The following LPP variants were observed in gnomAD, a reference collection of about 807,000 sequenced individuals.
LPP encodes the protein LIM domain containing preferred translocation partner in lipoma, also known as lipoma-preferred partner.
In LPP, 38 loss-of-function variants were observed where a neutral mutation model predicts 60.4. That is an observed-to-expected ratio of 0.63 (90% CI 0.49 to 0.83). LPP has a LOEUF of 0.83. Ranked by LOEUF, LPP falls within the 40% of genes least tolerant of loss-of-function variation. The pLI, the probability that LPP is intolerant of heterozygous loss-of-function variation, is 0.00. For missense variants in LPP, 902 were observed against 783.6 expected, an observed-to-expected ratio of 1.15 and a Z score of -1.80; for synonymous variants, 328 against 290.8, an observed-to-expected ratio of 1.13 and a Z score of -1.30.
intron 2 of LPP, among the ~76,000 whole-genome samples, chr3:188,233,539 T>C (rs1720828014): frequency 6.6e-6 from 1 of 152,198 alleles, no homozygotes; most frequent in African/African-American, 2.4e-5. Flanking sequence ...CCCTGGCTCA[T>C]TCTATGATTA....
rs78490596 is a variant in LPP, at chr3:188,478,947, T to A, written c.194-5645T>A. Among the ~76,000 whole-genome samples, 242 of 152,084 alleles carry A rather than the reference T, an allele frequency of 1.6e-3. 4 individuals are homozygous for A. In the East Asian group the frequency reaches 0.04, roughly 25 times the overall value. Reference sequence around the variant, plus strand: ...TTTTGTAATTTTAGCAGAGACTGGGTTTCACTCTGTTGCCCAGGCTGGTCT... The same window carrying A: ...TTTTGTAATTTTAGCAGAGACTGGGATTCACTCTGTTGCCCAGGCTGGTCT... On this transcript the variant is annotated intron_variant, in intron 4 of 11. Transcript: ENST00000617246.
At chr3:188,741,123 A>AT (rs1724244728) in intron 8 of LPP, among the ~76,000 whole-genome samples, 1 of 151,864 alleles carries the variant, frequency 6.6e-6, no homozygotes, top group Non-Finnish European at 1.5e-5. Flanking sequence ...GAGTAAAGGA[A>AT]GCACAGTATT....
Position 188,639,961 on chromosome 3 carries a change from A to G in LPP, c.1113+30117A>G, listed in dbSNP as rs530721402. Among the ~76,000 whole-genome samples the G allele has an allele frequency of 2.6e-4, 40 of 152,222 alleles. No homozygotes were observed. In the South Asian group the frequency reaches 6.5e-3, roughly 25 times the overall value. On this transcript the variant is annotated intron_variant, in intron 7 of 11. Transcript: ENST00000617246. ...CAACCATTGTGGAAGTCAGTGTGGC[A>G]ATACCTCAGGGATCTAGAACTAGAA...
intron 9 of LPP, among the ~76,000 whole-genome samples, chr3:188,837,384 T>TC (rs35650225): frequency 3.0e-4 from 19 of 64,360 alleles, no homozygotes; most frequent in Non-Finnish European, 4.4e-4. Flanking sequence ...ATCTCAAACA[T>TC]AATAATAATA....
At chr3:188,265,145 G>A (rs975228774) in intron 2 of LPP, among the ~76,000 whole-genome samples, 1 of 152,196 alleles carries the variant, frequency 6.6e-6, no homozygotes, top group Non-Finnish European at 1.5e-5. Context: ...GGTTTAGCAC[G>A]AATTAAATTC....
In LPP at chr3:188,889,036, G is replaced by T. The variant is rs565288533; in HGVS notation, c.*14557G>T. The T allele has an allele frequency of 1.4e-5, 3 of 220,366 alleles. No individual in the cohort carries two copies. Among genetic ancestry groups the T allele is most frequent in the African/African-American group, 6.7e-5 (3 of 44,566 alleles). 13.7% of individuals were successfully genotyped at this position (220,366 alleles called of 1,614,324 possible). A position where few individuals can be genotyped will look rare whatever the true frequency, so the allele number is the denominator to read the frequency against. On this transcript the variant is annotated 3_prime_UTR_variant, in exon 12 of 12. Transcript: ENST00000617246. ...ATGTGTGTTCTATAAACTAAGCATC[G>T]GTGGGTTTAGAGTGTTAAAGTGTCA...
intron 9 of LPP, among the ~76,000 whole-genome samples, chr3:188,818,384 A>G (rs1413849712): frequency 6.6e-6 from 1 of 151,930 alleles, no homozygotes; most frequent in Non-Finnish European, 1.5e-5. Context: ...TTCTATTGGT[A>G]TTTTCTCTCT....
intron 2 of LPP, among the ~76,000 whole-genome samples, chr3:188,296,803 G>A (rs576469629): frequency 1.3e-5 from 2 of 152,322 alleles, no homozygotes; most frequent in South Asian, 4.1e-4. Flanking sequence ...GAAGAGCAGG[G>A]AGGATCTGCC....
chr3:188,347,838 C>T (rs1265667255), intron 3 of LPP, among the ~76,000 whole-genome samples: 1 of 152,210 alleles, frequency 6.6e-6, no homozygotes, highest in Admixed American at 6.5e-5. Flanking sequence ...GCAGTACCTT[C>T]ACCTTGCAGA....
intron 7 of LPP, among the ~76,000 whole-genome samples, chr3:188,694,819 G>T (rs912413843): frequency 6.6e-6 from 1 of 152,164 alleles, no homozygotes; most frequent in South Asian, 2.1e-4. Flanking sequence ...ATCTTTGTGC[G>T]CAGAGAGACT....
At chr3:188,387,084 AC>A (rs1778494958) in intron 3 of LPP, among the ~76,000 whole-genome samples, 1 of 152,072 alleles carries the variant, frequency 6.6e-6, no homozygotes, top group Non-Finnish European at 1.5e-5. Flanking sequence ...GCCTTTAATG[AC>A]AAAGAAATTA....
chr3:188,755,718 G>T (rs1729917879), intron 8 of LPP, among the ~76,000 whole-genome samples: 1 of 150,840 alleles, frequency 6.6e-6, no homozygotes, highest in South Asian at 2.1e-4. Context: ...GCTGAGGGAG[G>T]AGGATCACTT....
At chr3:188,237,118 CA>C (rs1378561123) in intron 2 of LPP, among the ~76,000 whole-genome samples, 1 of 152,064 alleles carries the variant, frequency 6.6e-6, no homozygotes, top group Non-Finnish European at 1.5e-5. Context: ...GCATCTTCAC[CA>C]GGGGTAATTT....
intron 5 of LPP, among the ~76,000 whole-genome samples, chr3:188,516,336 T>C (rs1817355968): frequency 6.6e-6 from 1 of 152,178 alleles, no homozygotes; most frequent in Admixed American, 6.5e-5. Context: ...TCTGCAATTC[T>C]CACTACTGAA....
chr3:188,885,139 A>C lies in LPP; in HGVS notation c.*10660A>C, dbSNP rs1054532545. ...CTTTAGGGTGTGCTTTCCACTTTTT[A>C]TTTCCTCTCATTTCACTCCTTTCAT... On this transcript the variant is annotated 3_prime_UTR_variant, in exon 12 of 12. Coordinates refer to ENST00000617246, the MANE Select transcript of LPP (RefSeq NM_001375462.1). 7.6e-5 allele frequency: 16 copies of C among 211,110 alleles called. No individual in the cohort carries two copies. The highest frequency in any genetic ancestry group is 7.7e-5 in the Non-Finnish European group (8 of 104,422). The allele number at this position is 211,110 out of a possible 1,614,324, so 13.1% of individuals were successfully genotyped here. A position where few individuals can be genotyped will look rare whatever the true frequency, so the allele number is the denominator to read the frequency against.
At chr3:188,569,639 C>T (rs1833052170) in intron 6 of LPP, among the ~76,000 whole-genome samples, 1 of 151,948 alleles carries the variant, frequency 6.6e-6, no homozygotes, top group African/African-American at 2.4e-5. Context: ...TGTCATTTCT[C>T]CCATTTTTCA....
At chr3:188,176,318 A>AAAAT (rs1195298769) in intron 1 of LPP, among the ~76,000 whole-genome samples, 1 of 152,114 alleles carries the variant, frequency 6.6e-6, no homozygotes, top group Non-Finnish European at 1.5e-5. Flanking sequence ...TTTTGTAAAA[A>AAAAT]AAATAAATAA....
At chr3:188,422,913 T>TTGTGTGTGTGTGTG (rs10689970) in intron 4 of LPP, among the ~76,000 whole-genome samples, 15 of 133,804 alleles carry the variant, frequency 1.1e-4, no homozygotes, top group Non-Finnish European at 1.6e-4. Flanking sequence ...GGTGTCTTCT[T>TTGTGTGTGTGTGTG]TGTGTGTGTG....
rs6768694 is a variant in LPP, at chr3:188,882,366, A to G, written c.*7887A>G. 3.6e-5 allele frequency: 8 copies of G among 225,240 alleles called. No individual in the cohort carries two copies. Among genetic ancestry groups the G allele is most frequent in the South Asian group, 3.7e-4 (2 of 5,464 alleles). The allele number at this position is 225,240 out of a possible 1,614,324, so 14.0% of individuals were successfully genotyped here. On this transcript the variant is annotated 3_prime_UTR_variant, in exon 12 of 12. Coordinates refer to ENST00000617246, the MANE Select transcript of LPP (RefSeq NM_001375462.1). ...GAAATTCCTTCTTAACAGAAAAAAA[A>G]GGCTTCCAAATAATCAGGCTGAATG...
Sources: gnomAD v4.1 joint callset for allele counts (sites outside exome capture counted in the v4.1 genomes callset) on GRCh38, gnomAD v4.1.1 for gene constraint, MANE v1.5 for transcripts, NCBI Gene and HGNC (gene_info 2026-07-23, HGNC 2026-07-21) for gene names.